ERBB4: variants seen among roughly 807,000 people sequenced by gnomAD.
The protein encoded by ERBB4 is erb-b2 receptor tyrosine kinase 4.
A neutral mutation model predicts 158.0 loss-of-function variants in ERBB4; 42 were observed. The ratio of observed to expected loss-of-function variants is 0.27; its 90% confidence interval spans 0.21 to 0.34. The LOEUF (loss-of-function observed/expected upper bound fraction) is 0.34. ERBB4 is among the 10% of genes least tolerant of loss of function. ERBB4 has a pLI of 1.00. For missense variants in ERBB4, 1,333 were observed against 1,624.1 expected (o/e 0.82, Z 3.08); for synonymous variants, 583 against 558.7 (o/e 1.04, Z -0.61).
intron 1 of ERBB4, among the ~76,000 whole-genome samples, chr2:212,524,832 T>C (rs549767717): frequency 1.3e-5 from 2 of 152,184 alleles, no homozygotes; most frequent in South Asian, 4.1e-4. Flanking sequence ...AAAACACTTA[T>C]GGAAAAATTA....
intron 3 of ERBB4, among the ~76,000 whole-genome samples, chr2:211,883,747 G>A (rs887470554): frequency 1.3e-5 from 2 of 152,104 alleles, no homozygotes; most frequent in Non-Finnish European, 2.9e-5. Context: ...AGGCAAGTTC[G>A]TGCCACTGCA....
chr2:211,457,568 T>C lies in ERBB4; in HGVS notation c.2488-26468A>G, dbSNP rs138639658. 3.7e-3 allele frequency among the ~76,000 whole-genome samples: 565 copies of C among 152,310 alleles called. 1 individual carries two copies. Among genetic ancestry groups the C allele is most frequent in the Middle Eastern group, 0.014 (4 of 294 alleles). On this transcript the variant is annotated intron_variant, in intron 20 of 27. Coordinates refer to ENST00000342788, the MANE Select transcript of ERBB4 (RefSeq NM_005235.3). The stretch of plus-strand genomic sequence containing the variant: ...TTAGAGCTGAGCCTTGAATATGAGC[T>C]GGTAGGGCTGAGGCCTTCACTTGAG...
chr2:212,055,698 A>T lies in ERBB4; in HGVS notation c.234+69054T>A, dbSNP rs186841432. 2.0e-3 allele frequency among the ~76,000 whole-genome samples: 298 copies of T among 152,388 alleles called. 1 individual carries two copies. Among genetic ancestry groups the T allele is most frequent in the Non-Finnish European group, 3.0e-3 (206 of 68,042 alleles). Reference sequence around the variant, plus strand: ...GGAGTGGACCTCCAGCAAACTCCAAAAGACCTGCAGCTGAGGGTCCTGACT... The same window carrying T: ...GGAGTGGACCTCCAGCAAACTCCAATAGACCTGCAGCTGAGGGTCCTGACT... On this transcript the variant is annotated intron_variant, in intron 2 of 27. Transcript: ENST00000342788.
rs1210379949 is a variant in ERBB4, at chr2:211,379,458, T to A, written c.*4157A>T. The A allele has an allele frequency of 4.3e-6, 1 of 230,176 alleles. No homozygotes were observed. The highest frequency in any genetic ancestry group is 5.7e-5 in the Admixed American group (1 of 17,668). 14.3% of individuals were successfully genotyped at this position (230,176 alleles called of 1,614,324 possible). On this transcript the variant is annotated 3_prime_UTR_variant, in exon 28 of 28. Coordinates refer to ENST00000342788, the MANE Select transcript of ERBB4 (RefSeq NM_005235.3). ...ATGCTTTAAAGCAAGTTTTCCCAAG[T>A]GGAACCATATATGCCTACTTTCAGC...
At chr2:212,082,156 A>G (rs927005922) in intron 2 of ERBB4, among the ~76,000 whole-genome samples, 13 of 152,130 alleles carry the variant, frequency 8.5e-5, no homozygotes, top group African/African-American at 3.1e-4. Flanking sequence ...TTTATCATGT[A>G]AGGAGAATAT....
chr2:212,345,062 G>A (rs1385630192), intron 1 of ERBB4, among the ~76,000 whole-genome samples: 1 of 151,728 alleles, frequency 6.6e-6, no homozygotes, highest in African/African-American at 2.4e-5. Flanking sequence ...AAGATCGATC[G>A]AGACCATCCA....
intron 1 of ERBB4, among the ~76,000 whole-genome samples, chr2:212,378,915 G>A (rs1293548203): frequency 1.3e-5 from 2 of 151,724 alleles, no homozygotes; most frequent in Admixed American, 1.3e-4. Context: ...TTAAAATGCA[G>A]AATTTAGGTG....
intron 3 of ERBB4, among the ~76,000 whole-genome samples, chr2:211,801,975 A>G (rs1162223733): frequency 6.6e-6 from 1 of 152,160 alleles, no homozygotes; most frequent in Non-Finnish European, 1.5e-5. Context: ...AAACTGGAAT[A>G]CAGGCCGGGC....
intron 3 of ERBB4, among the ~76,000 whole-genome samples, chr2:211,924,445 G>A (rs543783753): frequency 6.6e-6 from 1 of 151,934 alleles, no homozygotes; most frequent in East Asian, 1.9e-4. Context: ...TATCACAACT[G>A]TACTCATACC....
At chr2:212,051,392 G>GACAAT (rs2077394971) in intron 2 of ERBB4, among the ~76,000 whole-genome samples, 1 of 151,950 alleles carries the variant, frequency 6.6e-6, no homozygotes, top group South Asian at 2.1e-4. Context: ...CATTTGAGAG[G>GACAAT]TTTTATTTAA....
chr2:212,506,684 G>A (rs981363080), intron 1 of ERBB4, among the ~76,000 whole-genome samples: 1 of 152,206 alleles, frequency 6.6e-6, no homozygotes, highest in African/African-American at 2.4e-5. Context: ...AAGGCTGAGA[G>A]AGGTGAGGCA....
At chr2:211,680,950 G>C (rs1482997224) in intron 12 of ERBB4, among the ~76,000 whole-genome samples, 1 of 152,082 alleles carries the variant, frequency 6.6e-6, no homozygotes. Context: ...CTACAATCAA[G>C]ATAATTAATG....
intron 16 of ERBB4, among the ~76,000 whole-genome samples, chr2:211,652,961 T>C (rs192130230): frequency 2.0e-5 from 3 of 151,584 alleles, no homozygotes; most frequent in Middle Eastern, 3.5e-3. Flanking sequence ...TTAAAAGAAA[T>C]AAACAAACAA....
chr2:212,464,464 A>G (rs940850663), intron 1 of ERBB4, among the ~76,000 whole-genome samples: 1 of 152,062 alleles, frequency 6.6e-6, no homozygotes, highest in African/African-American at 2.4e-5. Context: ...GATTTTTTTC[A>G]TAGCAATTAT....
At position 211,460,597 on chromosome 2, in the gene ERBB4, T is replaced by C. The variant is rs111923684; in HGVS notation, c.2488-29497A>G. ...AGTAGAAACATCATCCTGGAAGAAATTGACAAAACAAATTCTAATCACGAG... is the reference window on the plus strand; with the variant it reads ...AGTAGAAACATCATCCTGGAAGAAACTGACAAAACAAATTCTAATCACGAG... On this transcript the variant is annotated intron_variant, in intron 20 of 27. Transcript: ENST00000342788. Among the ~76,000 whole-genome samples, 14 of 152,284 alleles carry C rather than the reference T, an allele frequency of 9.2e-5. 1 individual carries two copies. The highest frequency in any genetic ancestry group is 2.6e-4 in the African/African-American group (11 of 41,572).
chr2:212,295,424 C>T (rs192065384), intron 1 of ERBB4, among the ~76,000 whole-genome samples: 65 of 152,106 alleles, frequency 4.3e-4, no homozygotes, highest in Middle Eastern at 3.4e-3. Context: ...AACTTCAACT[C>T]AAAGAATTTT....
At chr2:211,781,262 T>A (rs1200691034) in intron 4 of ERBB4, among the ~76,000 whole-genome samples, 1 of 152,168 alleles carries the variant, frequency 6.6e-6, no homozygotes, top group African/African-American at 2.4e-5. Flanking sequence ...TACTATGATA[T>A]GTAAAAGTCA....
intron 20 of ERBB4, among the ~76,000 whole-genome samples, chr2:211,512,020 A>G (rs2030457): frequency 0.5 from 76,375 of 151,882 alleles, 19,804 homozygotes; most frequent in Middle Eastern, 0.58. Flanking sequence ...GAAGATTCAC[A>G]CAGCATTGGT....
chr2:211,747,195 C>T (rs1368432142), intron 5 of ERBB4, among the ~76,000 whole-genome samples: 1 of 152,126 alleles, frequency 6.6e-6, no homozygotes, highest in Admixed American at 6.5e-5. Flanking sequence ...ATTATCCACC[C>T]ATATTACAAG....
Sources: allele counts gnomAD v4.1 joint callset (sites outside exome capture counted in the v4.1 genomes callset), GRCh38; gene constraint gnomAD v4.1.1; transcripts MANE v1.5; gene names NCBI Gene and HGNC (gene_info 2026-07-23, HGNC 2026-07-21).